Variants in SLC25A23 observed in about 807,000 individuals in gnomAD.
SLC25A23 encodes solute carrier family 25 member 23.
In SLC25A23, 32 loss-of-function variants were observed where a neutral mutation model predicts 53.9. The observed-to-expected ratio is 0.59, with a 90% CI of 0.45 to 0.80. SLC25A23 has a LOEUF of 0.80. SLC25A23 is among the 30% of genes least tolerant of loss of function. The pLI is 0.00. For synonymous variants in SLC25A23, 275 were observed against 264.5 expected, an observed-to-expected ratio of 1.04 and a Z score of -0.38; for missense variants, 575 against 651.4, an observed-to-expected ratio of 0.88 and a Z score of 1.28.
Position 6,454,787 on chromosome 19 carries a change from G to A in SLC25A23, c.484-70C>T. ...GGAGATGTGACTCAGTCCTAAATAG[G>A]GGAGTCTCCTCTATGAATCCTAGGA... On this transcript the variant is annotated intron_variant, in intron 4 of 9. Transcript: ENST00000301454. This position sits in a 1 kb window ranked among gnomAD's most constrained non-coding sequence, Gnocchi z 4.3. The A allele has an allele frequency of 2.0e-6, 3 of 1,538,152 alleles. No individual in the cohort carries two copies. Among genetic ancestry groups the A allele is most frequent in the Non-Finnish European group, 2.7e-6 (3 of 1,125,484 alleles).
chr19:6,441,883 G>T lies in SLC25A23; in HGVS notation c.*92C>A. ...CAGGATCTGGGTACTGGGATCTCGT[G>T]GCCAAAGAGTAGGGATCCTGTGGTT... On this transcript the variant is annotated 3_prime_UTR_variant, in exon 10 of 10. Coordinates refer to ENST00000301454, the MANE Select transcript of SLC25A23 (RefSeq NM_024103.3). The T allele has an allele frequency of 8.0e-7, 1 of 1,250,982 alleles. No individual in the cohort carries two copies. The highest frequency in any genetic ancestry group is 1.1e-6 in the Non-Finnish European group (1 of 875,076). The allele number at this position is 1,250,982 out of a possible 1,614,324, so 77.5% of individuals were successfully genotyped here. A position where few individuals can be genotyped will look rare whatever the true frequency, so the allele number is the denominator to read the frequency against.
rs183518708 is a variant in SLC25A23 at position 6,440,386 on chromosome 19, T to C, written c.*1589A>G. On this transcript the variant is annotated 3_prime_UTR_variant, in exon 10 of 10. Transcript: ENST00000301454. ...TTTGTTTTTTGCATCATTGGGTGCTTGGGTTTAGGGAAGGGTGGTCTTTGC... is the reference window on the plus strand; with the variant it reads ...TTTGTTTTTTGCATCATTGGGTGCTCGGGTTTAGGGAAGGGTGGTCTTTGC... 1,346 of 152,256 alleles carry C rather than the reference T, an allele frequency of 8.8e-3. 9 individuals carry two copies. The highest frequency in any genetic ancestry group is 0.027 in the South Asian group (129 of 4,808). The allele number at this position is 152,256 out of a possible 1,614,324, so 9.4% of individuals were successfully genotyped here. A position where few individuals can be genotyped will look rare whatever the true frequency, so the allele number is the denominator to read the frequency against.
chr19:6,437,777 C>T (rs2092347764), downstream of SLC25A23, among the ~76,000 whole-genome samples: 1 of 146,598 alleles, frequency 6.8e-6, no homozygotes, highest in Non-Finnish European at 1.5e-5. Flanking sequence ...CCAGTGCACT[C>T]CAGCCTAGGC....
At position 6,456,408 on chromosome 19, in the gene SLC25A23, C is replaced by A. The variant is rs1426762104; in HGVS notation, c.483+12G>T. ...CACAGCCTTCAGCTGGGGAAAGCCA[C>A]CCCCACCTCACCGTGGAATGCTTCC... On this transcript the variant is annotated intron_variant, in intron 4 of 9. Coordinates refer to ENST00000301454, the MANE Select transcript of SLC25A23 (RefSeq NM_024103.3). 1.2e-6 allele frequency: 2 copies of A among 1,610,506 alleles called. No homozygotes were observed. The highest frequency in any genetic ancestry group is 1.7e-6 in the Non-Finnish European group (2 of 1,176,970).
Position 6,442,171 on chromosome 19 carries a change from C to CGGGGGGGGGGGG in SLC25A23, c.1223-13_1223-12insCCCCCCCCCCCC. On this transcript the variant is annotated splice_polypyrimidine_tract_variant and intron_variant, in intron 9 of 9. Transcript: ENST00000301454. ...ACCCTCGATGGAGGCTGGGAGGGGG[C>CGGGGGGGGGGGG]GGGGGGGGCACCAGGTAAGGCCAAC... 1.7e-6 allele frequency: 1 copy of CGGGGGGGGGGGG among 597,876 alleles called. No homozygotes were observed. Among genetic ancestry groups the CGGGGGGGGGGGG allele is most frequent in the Non-Finnish European group, 2.6e-6 (1 of 384,758 alleles). 37.0% of individuals were successfully genotyped at this position (597,876 alleles called of 1,614,324 possible). A position where few individuals can be genotyped will look rare whatever the true frequency, so the allele number is the denominator to read the frequency against.
rs1367028808 is a variant in SLC25A23, at chr19:6,444,261, G to A, written c.1112C>T (p.Ser371Leu). 7 of 1,606,606 alleles carry A rather than the reference G, an allele frequency of 4.4e-6. No individual in the cohort carries two copies. The highest frequency in any genetic ancestry group is 4.5e-5 in the East Asian group (2 of 44,648). The change falls in exon 9 of 10, where the codon TCG (serine) becomes TTG (leucine). Residue 371 changes from serine (S) to leucine (L), a missense_variant. Physicochemically the swap from Ser to Leu is moderately radical, Grantham distance 145. Coordinates refer to ENST00000301454, the MANE Select transcript of SLC25A23 (RefSeq NM_024103.3). ...GAGCACGAGGATGCCTGGGTCTGCC[G>A]AGTCGTGGCTGTACTGCTGAAGCCA... Reference protein sequence around the residue: ...NWWLQQYSHDSADPGILVLLA... With the variant: ...NWWLQQYSHDLADPGILVLLA...
At chr19:6,436,656 T>G (rs2092323653), downstream of SLC25A23, among the ~76,000 whole-genome samples, 1 of 151,566 alleles carries the variant, frequency 6.6e-6, no homozygotes, top group Admixed American at 6.6e-5. Context: ...TTCAAGCAAT[T>G]CTCCTGCCTC....
chr19:6,446,094 G>A (rs964651639), intron 8 of SLC25A23, among the ~76,000 whole-genome samples: 2 of 138,356 alleles, frequency 1.4e-5, no homozygotes, highest in South Asian at 2.1e-4. Context: ...CGGGCCTGGC[G>A]TCCTCACACT....
rs769573506 is a variant in SLC25A23, at chr19:6,456,456, A to G, written c.447T>C (p.Asn149=). Residue 149 remains asparagine, a synonymous_variant, in exon 4 of 10, where the codon AAT becomes AAC. Transcript: ENST00000301454. ...TCCAGAAATACAGCACGTCCTCCAC[A>G]TTTTCCAGCGAATGCAACAGGAAGT... ...RDHFLLHSLE[N]VEDVLYFWKH... 4 of 1,613,620 alleles carry G rather than the reference A, an allele frequency of 2.5e-6. No homozygotes were observed. The highest frequency in any genetic ancestry group is 1.7e-6 in the Non-Finnish European group (2 of 1,179,968).
chr19:6,449,666 G>A (rs111954187), intron 8 of SLC25A23, among the ~76,000 whole-genome samples: 2 of 151,262 alleles, frequency 1.3e-5, no homozygotes, highest in Non-Finnish European at 2.9e-5. Context: ...CACCCGCCTC[G>A]GCCTCCCAAA....
At chr19:6,458,062 AAATAGCCT>A (rs2092705681) in intron 2 of SLC25A23, 128 bp downstream of exon 2, 1 of 1,193,310 alleles carries the variant, frequency 8.4e-7, no homozygotes, top group Non-Finnish European at 1.1e-6. Context: ...AGTGCTCCTG[AAATAGCCT>A]ATGAGTCATC....
intron 8 of SLC25A23, among the ~76,000 whole-genome samples, chr19:6,446,515 C>T (rs2092507271): frequency 6.6e-6 from 1 of 152,206 alleles, no homozygotes; most frequent in South Asian, 2.1e-4. Context: ...TGGACTTTCT[C>T]TGAACGCAGG....
rs527623911 is a variant in SLC25A23 at position 6,456,023 on chromosome 19, C to A, written c.483+397G>T. 4.5e-5 allele frequency: 58 copies of A among 1,302,306 alleles called. No homozygotes were observed. In the African/African-American group the frequency reaches 7.2e-4, roughly 16 times the overall value. The allele number at this position is 1,302,306 out of a possible 1,614,324, so 80.7% of individuals were successfully genotyped here. On this transcript the variant is annotated intron_variant, in intron 4 of 9. Coordinates refer to ENST00000301454, the MANE Select transcript of SLC25A23 (RefSeq NM_024103.3). ...TGTGAGCCACTGCGCCTGGCCAAGA[C>A]CGTGGTTTTTGAACGATTCTGTTCA...
downstream of SLC25A23, chr19:6,438,420 G>GT (rs2092362711): frequency 3.3e-5 from 5 of 152,566 alleles, no homozygotes; most frequent in African/African-American, 9.7e-5. Flanking sequence ...ATAAACCAAG[G>GT]AACACCAAGG....
Position 6,456,535 on chromosome 19 carries a change from G to T in SLC25A23, c.372-4C>A, listed in dbSNP as rs745569166. The T allele has an allele frequency of 2.4e-5, 39 of 1,613,056 alleles. No individual in the cohort carries two copies. The highest frequency in any genetic ancestry group is 1.6e-4 in the Middle Eastern group (1 of 6,082). ...CATTGTGCCGTCTCGGTCCATGCTGGGGGGAAGAAAGGGGGTGGAGGAGGA... is the reference window on the plus strand; with the variant it reads ...CATTGTGCCGTCTCGGTCCATGCTGTGGGGAAGAAAGGGGGTGGAGGAGGA... On this transcript the variant is annotated splice_polypyrimidine_tract_variant and splice_region_variant and intron_variant, in intron 3 of 9. Coordinates refer to ENST00000301454, the MANE Select transcript of SLC25A23 (RefSeq NM_024103.3).
chr19:6,443,429 T>C, intron 9 of SLC25A23: 1 of 541,878 alleles, frequency 1.8e-6, no homozygotes, highest in Non-Finnish European at 3.3e-6. Flanking sequence ...GGTCTTGCTA[T>C]GTTGCCCGGG....
intron 1 of SLC25A23, among the ~76,000 whole-genome samples, chr19:6,458,604 T>C (rs1049810136): frequency 3.9e-5 from 6 of 152,182 alleles, no homozygotes; most frequent in Non-Finnish European, 8.8e-5. Flanking sequence ...AACCAGGAAA[T>C]GGTAACCTCA....
downstream of SLC25A23, chr19:6,438,933 C>T (rs576681818): frequency 1.4e-4 from 22 of 159,708 alleles, no homozygotes; most frequent in South Asian, 3.1e-4. Context: ...TCTAGCTGCT[C>T]GGGAGGCTGA....
At chr19:6,436,491 AAG>A (rs770535484), downstream of SLC25A23, 124 of 455,218 alleles carry the variant, frequency 2.7e-4, no homozygotes, top group South Asian at 1.5e-3. Context: ...TGTTATGAGA[AAG>A]GGGGAGAGAG....
Sources: gnomAD v4.1 joint callset for allele counts (sites outside exome capture counted in the v4.1 genomes callset) on GRCh38, gnomAD v4.1.1 for gene constraint, Gnocchi (gnomAD v3.1) non-coding constraint, MANE v1.5 for transcripts, NCBI Gene and HGNC (gene_info 2026-07-23, HGNC 2026-07-21) for gene names.